Variants in TMEM126A observed in about 807,000 individuals in gnomAD.
The protein encoded by TMEM126A is optic atrophy 7.
TMEM126A carries 10 observed loss-of-function variants against 18.3 expected under a neutral mutation model. The ratio of observed to expected loss-of-function variants is 0.55; its 90% confidence interval spans 0.34 to 0.93. TMEM126A has a LOEUF of 0.93. Among genes scored for constraint, TMEM126A ranks in the 40% least tolerant of loss-of-function variants. TMEM126A has a pLI of 0.02. For missense variants in TMEM126A, 246 were observed against 230.2 expected (o/e 1.07, Z -0.44); for synonymous variants, 68 against 78.1 (o/e 0.87, Z 0.68).
chr11:85,651,069 CA>C (rs3068382), intron 2 of TMEM126A, among the ~76,000 whole-genome samples: 11 of 79,868 alleles, frequency 1.4e-4, no homozygotes, highest in South Asian at 5.7e-4. Context: ...GGATCCGTCT[CA>C]AAAAAAAAAA....
chr11:85,649,826 T>G (rs1372196198), intron 1 of TMEM126A, among the ~76,000 whole-genome samples: 3 of 152,214 alleles, frequency 2.0e-5, no homozygotes, highest in African/African-American at 7.2e-5. Flanking sequence ...TTTTGTCAGT[T>G]TTTCCGTAGG....
At chr11:85,651,880 T>G (rs2082503194) in intron 2 of TMEM126A, among the ~76,000 whole-genome samples, 2 of 152,136 alleles carry the variant, frequency 1.3e-5, no homozygotes, top group Admixed American at 1.3e-4. Flanking sequence ...AAAAGAGTAG[T>G]AGGCTGGGCA....
intron 1 of TMEM126A, among the ~76,000 whole-genome samples, chr11:85,648,449 A>C (rs188343382): frequency 7.4e-4 from 112 of 152,282 alleles, no homozygotes; most frequent in African/African-American, 2.6e-3. Context: ...GGTAACACAA[A>C]AATCTTTCGA....
intron 1 of TMEM126A, among the ~76,000 whole-genome samples, chr11:85,649,129 T>G (rs1030461940): frequency 1.3e-5 from 2 of 152,278 alleles, no homozygotes; most frequent in East Asian, 3.9e-4. Context: ...GACAGGGAGT[T>G]TCACCATGTT....
At position 85,654,272 on chromosome 11, in the gene TMEM126A, C is replaced by T; in HGVS notation, c.280+16C>T. 6.2e-7 allele frequency: 1 copy of T among 1,612,472 alleles called. No individual in the cohort carries two copies. Among genetic ancestry groups the T allele is most frequent in the Non-Finnish European group, 8.5e-7 (1 of 1,178,866 alleles). On this transcript the variant is annotated intron_variant, in intron 3 of 4. Coordinates refer to ENST00000304511, the MANE Select transcript of TMEM126A (RefSeq NM_032273.4). Reference sequence around the variant, plus strand: ...TTGAATACAGGTAAATTCTACTTCACTATCACCAAAGAGTTTGCCTTAGTA... The same window carrying T: ...TTGAATACAGGTAAATTCTACTTCATTATCACCAAAGAGTTTGCCTTAGTA...
At chr11:85,650,115 T>C (rs540117482) in intron 1 of TMEM126A, 134 bp from the exon 2 acceptor site, 1 of 586,146 alleles carries the variant, frequency 1.7e-6, no homozygotes, top group South Asian at 2.3e-5. Context: ...TCTGTTTCAC[T>C]TAGATTTTTT....
chr11:85,654,175 G>A lies in TMEM126A; in HGVS notation c.199G>A (p.Ala67Thr). 1 of 1,614,184 alleles carries A rather than the reference G, an allele frequency of 6.2e-7. No individual in the cohort carries two copies. The highest frequency in any genetic ancestry group is 2.2e-5 in the East Asian group (1 of 44,884). Residue 67 changes from alanine (A) to threonine (T), a missense_variant, in exon 3 of 5, where the codon GCT (alanine) becomes ACT (threonine). Physicochemically the swap from Ala to Thr is moderately conservative, Grantham distance 58. Transcript: ENST00000304511. Reference sequence around the variant, plus strand: ...GAATGTGACAAAGGCTCGCATAGCTGCTGGCTTACCAATGGCAGGGATACC... The same window carrying A: ...GAATGTGACAAAGGCTCGCATAGCTACTGGCTTACCAATGGCAGGGATACC... ...ILNVTKARIA[A>T]GLPMAGIPFL...
At chr11:85,648,401 CCTAT>C (rs1273448882) in intron 1 of TMEM126A, among the ~76,000 whole-genome samples, 1 of 152,162 alleles carries the variant, frequency 6.6e-6, no homozygotes, top group Non-Finnish European at 1.5e-5. Context: ...CCCCACACTG[CCTAT>C]CTCTCAGAGC....
chr11:85,654,699 C>T (rs1320660375), intron 3 of TMEM126A, among the ~76,000 whole-genome samples: 4 of 152,100 alleles, frequency 2.6e-5, no homozygotes, highest in African/African-American at 9.7e-5. Context: ...GTGATCCACC[C>T]GCCTTGTCTT....
intron 1 of TMEM126A, among the ~76,000 whole-genome samples, 197 bp downstream of exon 1, chr11:85,648,286 A>G (rs2082475569): frequency 6.6e-6 from 1 of 152,184 alleles, no homozygotes; most frequent in Non-Finnish European, 1.5e-5. Context: ...TAGAAAGGAG[A>G]AATGCCTGAG....
At chr11:85,651,348 G>A (rs924684124) in intron 2 of TMEM126A, among the ~76,000 whole-genome samples, 8 of 152,198 alleles carry the variant, frequency 5.3e-5, no homozygotes. Flanking sequence ...GGAAGTGGGA[G>A]TAAGGACCAG....
chr11:85,651,423 A>G (rs1054032299), intron 2 of TMEM126A, among the ~76,000 whole-genome samples: 8 of 152,210 alleles, frequency 5.3e-5, no homozygotes, highest in African/African-American at 1.9e-4. Context: ...CTTTTTGGAA[A>G]GCAGATTTGA....
chr11:85,649,327 A>G (rs1178363107), intron 1 of TMEM126A, among the ~76,000 whole-genome samples: 1 of 152,226 alleles, frequency 6.6e-6, no homozygotes, highest in African/African-American at 2.4e-5. Flanking sequence ...TGCAGACATC[A>G]ACAAACTACT....
chr11:85,650,505 C>A (rs1213919951), intron 2 of TMEM126A, among the ~76,000 whole-genome samples, 164 bp downstream of exon 2: 1 of 152,214 alleles, frequency 6.6e-6, no homozygotes, highest in Non-Finnish European at 1.5e-5. Flanking sequence ...TGCTCAACAT[C>A]ACATAGCTAA....
rs780291202 is a variant in TMEM126A, at chr11:85,650,349, C to A, written c.86+8C>A. The A allele has an allele frequency of 5.7e-6, 9 of 1,582,052 alleles. No individual in the cohort carries two copies. The East Asian group carries it at 1.1e-4, about 20-fold the overall frequency. On this transcript the variant is annotated splice_region_variant and intron_variant, in intron 2 of 4. Coordinates refer to ENST00000304511, the MANE Select transcript of TMEM126A (RefSeq NM_032273.4). ...GCTTCCAGAAGCAGAAAGGTAAGAT[C>A]CCTTCTTAATTTAAAAACACCTTTT...
At chr11:85,654,337 A>C in intron 3 of TMEM126A, 81 bp downstream of exon 3, 5 of 1,334,518 alleles carry the variant, frequency 3.7e-6, no homozygotes, top group Non-Finnish European at 5.3e-6. Flanking sequence ...ATTAATATCA[A>C]GTAGCTGTAT....
chr11:85,652,113 G>T (rs1565799648), intron 2 of TMEM126A, among the ~76,000 whole-genome samples: 1 of 152,218 alleles, frequency 6.6e-6, no homozygotes, highest in Non-Finnish European at 1.5e-5. Flanking sequence ...GCATGGAGCT[G>T]AGATCATGCC....
chr11:85,649,059 C>T (rs1334898862), intron 1 of TMEM126A, among the ~76,000 whole-genome samples: 1 of 151,960 alleles, frequency 6.6e-6, no homozygotes, highest in Non-Finnish European at 1.5e-5. Context: ...CTCAGCCTCC[C>T]GAGTAGCTGG....
intron 4 of TMEM126A, 129 bp from the exon 5 acceptor site, chr11:85,656,180 G>C: frequency 2.4e-6 from 2 of 822,632 alleles, no homozygotes; most frequent in Non-Finnish European, 3.8e-6. Flanking sequence ...AGGATTAATA[G>C]ACACTGAAGA....
Sources: allele counts gnomAD v4.1 joint callset (sites outside exome capture counted in the v4.1 genomes callset), GRCh38; gene constraint gnomAD v4.1.1; transcripts MANE v1.5; gene names NCBI Gene and HGNC (gene_info 2026-07-23, HGNC 2026-07-21).